The following ABCB9 variants were observed in gnomAD, a reference collection of about 807,000 sequenced individuals.
The protein encoded by ABCB9 is ABC-type oligopeptide transporter ABCB9.
ABCB9 carries 36 observed loss-of-function variants against 62.0 expected under a neutral mutation model. The observed-to-expected ratio is 0.58, with a 90% CI of 0.45 to 0.77. The LOEUF is 0.77. ABCB9 is among the 30% of genes least tolerant of loss of function. The pLI, the probability that ABCB9 is intolerant of heterozygous loss-of-function variation, is 0.00. For synonymous variants in ABCB9, 435 were observed against 461.4 expected, an observed-to-expected ratio of 0.94 and a Z score of 0.73; for missense variants, 943 against 1,054.7, an observed-to-expected ratio of 0.89 and a Z score of 1.47.
intron 1 of ABCB9, among the ~76,000 whole-genome samples, chr12:122,965,127 G>T (rs2037104885): frequency 6.6e-6 from 1 of 152,104 alleles, no homozygotes; most frequent in Non-Finnish European, 1.5e-5. Flanking sequence ...AGGACCCTGT[G>T]GTCATCAGCT....
At position 122,953,708 on chromosome 12, in the gene ABCB9, G is replaced by A. The variant is rs2036477737; in HGVS notation, c.602-3143C>T. ...GCCTAAATTTTATATTTTTATTAGAGACAGGGTTTCACCATGTTGCCCAGG... is the reference window on the plus strand; with the variant it reads ...GCCTAAATTTTATATTTTTATTAGAAACAGGGTTTCACCATGTTGCCCAGG... On this transcript the variant is annotated intron_variant, in intron 2 of 11. Coordinates refer to ENST00000280560, the MANE Select transcript of ABCB9 (RefSeq NM_019625.4). Among the ~76,000 whole-genome samples, 5 of 152,048 alleles carry A rather than the reference G, an allele frequency of 3.3e-5. No individual in the cohort carries two copies. The South Asian group carries it at 1.0e-3, about 32-fold the overall frequency.
chr12:122,919,058 C>T (rs2135724697), downstream of ABCB9, among the ~76,000 whole-genome samples: 1 of 152,342 alleles, frequency 6.6e-6, no homozygotes, highest in South Asian at 2.1e-4. Flanking sequence ...TATGTTATAG[C>T]ATGTACCAGC....
At chr12:122,969,732 CAAAA>C (rs58746093), upstream of ABCB9, among the ~76,000 whole-genome samples, 3 of 90,898 alleles carry the variant, frequency 3.3e-5, no homozygotes, top group East Asian at 3.2e-4. Context: ...GACCCTGTCT[CAAAA>C]AAAAAAAAAA....
chr12:122,920,237 G>A (rs2034715380), downstream of ABCB9, among the ~76,000 whole-genome samples: 1 of 151,936 alleles, frequency 6.6e-6, no homozygotes, highest in South Asian at 2.1e-4. Flanking sequence ...TAAAAACCAG[G>A]AAAGAGAAAC....
At chr12:122,961,152 G>A (rs1435115092) in intron 1 of ABCB9, among the ~76,000 whole-genome samples, 1 of 151,926 alleles carries the variant, frequency 6.6e-6, no homozygotes, top group African/African-American at 2.4e-5. Flanking sequence ...AGGGTGAATA[G>A]GATAGGGGTG....
chr12:122,960,253 G>A lies in ABCB9; in HGVS notation c.-18C>T. The A allele has an allele frequency of 6.2e-7, 1 of 1,604,018 alleles. No individual in the cohort carries two copies. The stretch of plus-strand genomic sequence containing the variant: ...AGCCGCATCCTGCTGGTTGGAGGTG[G>A]GCGGGTGCTGAAGGCCAGGTTGTAG... On this transcript the variant is annotated 5_prime_UTR_variant, in exon 2 of 12. Transcript: ENST00000280560.
At position 122,960,266 on chromosome 12, in the gene ABCB9, G is replaced by A. The variant is rs903688092; in HGVS notation, c.-31C>T. 10 of 1,597,816 alleles carry A rather than the reference G, an allele frequency of 6.3e-6. No individual in the cohort carries two copies. In the Admixed American group the frequency reaches 6.8e-5, roughly 11 times the overall value. ...TGGTTGGAGGTGGGCGGGTGCTGAA[G>A]GCCAGGTTGTAGCTCACGGGGGCAA... is the stretch of plus-strand genomic sequence containing the variant. On this transcript the variant is annotated 5_prime_UTR_variant, in exon 2 of 12. Coordinates refer to ENST00000280560, the MANE Select transcript of ABCB9 (RefSeq NM_019625.4).
At position 122,944,851 on chromosome 12, in the gene ABCB9, T is replaced by TGGG; in HGVS notation, c.1252-333_1252-332insCCC. On this transcript the variant is annotated intron_variant, in intron 6 of 11. Transcript: ENST00000280560. This position sits in a 1 kb window ranked among gnomAD's most constrained non-coding sequence, Gnocchi z 4.9. ...TTCGTCCTCCTCATGGGGAAGAGCA[T>TGGG]GACTCAGAGAGGGCAAGTGCCCTGG... The TGGG allele has an allele frequency of 4.0e-6, 1 of 250,526 alleles. No homozygotes were observed. The highest frequency in any genetic ancestry group is 8.1e-6 in the Non-Finnish European group (1 of 124,110). The allele number at this position is 250,526 out of a possible 1,614,324, so 15.5% of individuals were successfully genotyped here.
At chr12:122,970,170 C>T (rs1338864754), upstream of ABCB9, among the ~76,000 whole-genome samples, 1 of 152,194 alleles carries the variant, frequency 6.6e-6, no homozygotes, top group Non-Finnish European at 1.5e-5. Flanking sequence ...ACCTCCGCCT[C>T]CCGGGGTCAA....
chr12:122,928,573 C>G (rs774781241), downstream of ABCB9, among the ~76,000 whole-genome samples: 5 of 152,088 alleles, frequency 3.3e-5, no homozygotes, highest in Non-Finnish European at 7.4e-5. Context: ...ATAACCACCG[C>G]AGGGGTCTTC....
At chr12:122,956,621 A>G (rs2036619269) in intron 2 of ABCB9, among the ~76,000 whole-genome samples, 1 of 152,302 alleles carries the variant, frequency 6.6e-6, no homozygotes, top group East Asian at 1.9e-4. Flanking sequence ...CCCAGGTTCA[A>G]GCAATTCTCC....
chr12:122,958,276 A>G (rs10848148), intron 2 of ABCB9, among the ~76,000 whole-genome samples: 1,805 of 152,256 alleles, frequency 0.012, 34 homozygotes, highest in South Asian at 0.052. Flanking sequence ...TAGCCGCACA[A>G]TGGAATATTA....
chr12:122,928,921 G>T, downstream of ABCB9: 1 of 839,946 alleles, frequency 1.2e-6, no homozygotes, highest in Non-Finnish European at 1.4e-6. Flanking sequence ...AGAGGGCTGA[G>T]AGGAGAGCCG....
At position 122,960,082 on chromosome 12, in the gene ABCB9, C is replaced by A; in HGVS notation, c.154G>T (p.Ala52Ser). ...NIFDSVLDLWAACLYRSCLLL... is the reference protein window; with the variant it reads ...NIFDSVLDLWSACLYRSCLLL... Reference sequence around the variant, plus strand: ...AGGCAGCTGCGGTACAGGCAGGCTGCCCAGAGATCCAGCACCGAGTCAAAG... The same window carrying A: ...AGGCAGCTGCGGTACAGGCAGGCTGACCAGAGATCCAGCACCGAGTCAAAG... The change falls in exon 2 of 12, where the codon GCA becomes TCA. Residue 52 changes from alanine to serine, a missense_variant. Coordinates refer to ENST00000280560, the MANE Select transcript of ABCB9 (RefSeq NM_019625.4). 1 of 1,613,464 alleles carries A rather than the reference C, an allele frequency of 6.2e-7. No homozygotes were observed. Among genetic ancestry groups the A allele is most frequent in the Non-Finnish European group, 8.5e-7 (1 of 1,180,044 alleles).
chr12:122,935,918 T>C (rs191554187), intron 9 of ABCB9, among the ~76,000 whole-genome samples: 1 of 151,968 alleles, frequency 6.6e-6, no homozygotes, highest in Non-Finnish European at 1.5e-5. Flanking sequence ...ACAAAAATAA[T>C]AGTATGGCCA....
upstream of ABCB9, among the ~76,000 whole-genome samples, chr12:122,967,142 C>A (rs1489146284): frequency 6.6e-6 from 1 of 152,186 alleles, no homozygotes; most frequent in African/African-American, 2.4e-5. Context: ...TCAGTGACTG[C>A]CAGGTGCTGG....
At chr12:122,968,594 C>T (rs550764033), upstream of ABCB9, among the ~76,000 whole-genome samples, 7 of 150,906 alleles carry the variant, frequency 4.6e-5, no homozygotes, top group South Asian at 4.2e-4. Flanking sequence ...TGCTTTCCAG[C>T]GATCAAGTTT....
upstream of ABCB9, among the ~76,000 whole-genome samples, chr12:122,968,015 A>G (rs1180903298): frequency 2.0e-5 from 3 of 152,334 alleles, no homozygotes; most frequent in Middle Eastern, 3.4e-3. Flanking sequence ...ATACCCTTCC[A>G]TAGGGAACTG....
rs183175447 is a variant in ABCB9, at chr12:122,946,339, G to A, written c.1054-117C>T. 250 of 1,017,796 alleles carry A rather than the reference G, an allele frequency of 2.5e-4. 5 individuals are homozygous for A. In the Admixed American group the frequency reaches 5.2e-3, roughly 21 times the overall value. 63.0% of individuals were successfully genotyped at this position (1,017,796 alleles called of 1,614,324 possible). A position where few individuals can be genotyped will look rare whatever the true frequency, so the allele number is the denominator to read the frequency against. The stretch of plus-strand genomic sequence containing the variant: ...TCGCTGGCACCAGCTATATGCAAGA[G>A]GTTCCTAGGACAAAAAGACAAGATC... On this transcript the variant is annotated intron_variant, in intron 5 of 11. Transcript: ENST00000280560.
Sources: allele counts gnomAD v4.1 joint callset (sites outside exome capture counted in the v4.1 genomes callset), GRCh38; gene constraint gnomAD v4.1.1; non-coding constraint Gnocchi (gnomAD v3.1); transcripts MANE v1.5; gene names NCBI Gene and HGNC (gene_info 2026-07-23, HGNC 2026-07-21).